Variants in ATL2 observed in about 807,000 individuals in gnomAD.
ATL2 encodes atlastin-2.
Under a neutral mutation model 73.9 loss-of-function variants are expected in ATL2, and 31 were observed. The ratio of observed to expected loss-of-function variants is 0.42; its 90% CI spans 0.32 to 0.57. ATL2 has a LOEUF of 0.57. Ranked by LOEUF, ATL2 falls within the 20% of genes least tolerant of loss-of-function variation. The probability of loss-of-function intolerance (pLI) is 0.14; values close to 1 mark genes in which losing one functional copy is unlikely to be tolerated. For synonymous variants in ATL2, 291 were observed against 237.5 expected (o/e 1.23, Z -2.07); for missense variants, 738 against 702.6 (o/e 1.05, Z -0.57).
chr2:38,295,925 T>G lies in ATL2; in HGVS notation c.*69A>C. The G allele has an allele frequency of 7.5e-7, 1 of 1,329,908 alleles. No individual in the cohort carries two copies. The highest frequency in any genetic ancestry group is 1.0e-6 in the Non-Finnish European group (1 of 969,826). The allele number at this position is 1,329,908 out of a possible 1,614,324, so 82.4% of individuals were successfully genotyped here. A position where few individuals can be genotyped will look rare whatever the true frequency, so the allele number is the denominator to read the frequency against. On this transcript the variant is annotated 3_prime_UTR_variant, in exon 13 of 13. Coordinates refer to ENST00000378954, the MANE Select transcript of ATL2 (RefSeq NM_001135673.4). ...GTTGATTGTAAACTTTGGTTTATTT[T>G]TATTTGAGTTCTCATTGTACAGCAA...
intron 12 of ATL2, among the ~76,000 whole-genome samples, chr2:38,297,594 T>G (rs1666964426): frequency 6.6e-6 from 1 of 152,172 alleles, no homozygotes; most frequent in Admixed American, 6.5e-5. Context: ...GCGCTTTGCT[T>G]TACTAATTAA....
intron 12 of ATL2, among the ~76,000 whole-genome samples, chr2:38,297,101 C>T (rs1223930094): frequency 1.3e-5 from 2 of 152,162 alleles, no homozygotes; most frequent in South Asian, 2.1e-4. Flanking sequence ...ACTTCCCAAT[C>T]GGATCTGAAT....
chr2:38,340,869 A>C (rs1233024344), intron 2 of ATL2, among the ~76,000 whole-genome samples: 5 of 152,244 alleles, frequency 3.3e-5, no homozygotes, highest in Non-Finnish European at 7.3e-5. Context: ...AAGCCAATAA[A>C]GACATTTCAG....
rs546427819 is a variant in ATL2, at chr2:38,346,044, T to C, written c.119-2532A>G. 5.9e-4 allele frequency among the ~76,000 whole-genome samples: 90 copies of C among 152,350 alleles called. 1 individual carries two copies. Among genetic ancestry groups the C allele is most frequent in the African/African-American group, 2.0e-3 (83 of 41,572 alleles). ...AAATGCCAAAATGCTATGGTGATTT[T>C]CACTTGACCAGTGTAGCTGCGTACT... On this transcript the variant is annotated intron_variant, in intron 1 of 12. Coordinates refer to ENST00000378954, the MANE Select transcript of ATL2 (RefSeq NM_001135673.4).
chr2:38,300,218 T>A (rs1667110999), intron 10 of ATL2, 54 bp downstream of exon 10: 6 of 1,401,342 alleles, frequency 4.3e-6, no homozygotes, highest in Non-Finnish European at 5.9e-6. Flanking sequence ...AAGATTTTTA[T>A]TCTCCCTCAT....
intron 1 of ATL2, among the ~76,000 whole-genome samples, chr2:38,368,608 A>G (rs1479609047): frequency 2.0e-5 from 3 of 152,238 alleles, no homozygotes; most frequent in African/African-American, 7.2e-5. Flanking sequence ...ACTACCACTA[A>G]TAAGTTCAAA....
chr2:38,297,457 C>T (rs1420541433), intron 12 of ATL2, among the ~76,000 whole-genome samples: 5 of 152,174 alleles, frequency 3.3e-5, no homozygotes, highest in Non-Finnish European at 2.9e-5. Context: ...GTAATTCCAG[C>T]ACACCGGAGG....
At chr2:38,318,408 G>A (rs1486862477) in intron 4 of ATL2, 127 bp downstream of exon 4, 1 of 576,886 alleles carries the variant, frequency 1.7e-6, no homozygotes, top group East Asian at 3.2e-5. Context: ...AGAGGTTGCA[G>A]TGAGCCGAGA....
In ATL2 at chr2:38,316,750, C is replaced by G. The variant is rs537103645; in HGVS notation, c.604-1416G>C. Among the ~76,000 whole-genome samples the G allele has an allele frequency of 1.7e-4, 26 of 152,180 alleles. No individual in the cohort carries two copies. The South Asian group carries it at 5.4e-3, about 32-fold the overall frequency. ...TACAGACAACAAAGTGGCTGCACAG[C>G]TTTAAGTGGCTGTCTAAAACCAGGT... On this transcript the variant is annotated intron_variant, in intron 4 of 12. Coordinates refer to ENST00000378954, the MANE Select transcript of ATL2 (RefSeq NM_001135673.4).
chr2:38,310,457 G>A lies in ATL2; in HGVS notation c.805-10C>T. 1 of 1,580,870 alleles carries A rather than the reference G, an allele frequency of 6.3e-7. No homozygotes were observed. Among genetic ancestry groups the A allele is most frequent in the Non-Finnish European group, 8.6e-7 (1 of 1,167,204 alleles). ...GTTGATTTTGTTTTACCTGAGGGCGGAGAGAGACAGGTGAAATTGTAAACA... is the reference window on the plus strand; with the variant it reads ...GTTGATTTTGTTTTACCTGAGGGCGAAGAGAGACAGGTGAAATTGTAAACA... On this transcript the variant is annotated splice_polypyrimidine_tract_variant and intron_variant, in intron 7 of 12. Transcript: ENST00000378954.
rs114705577 is a variant in ATL2, at chr2:38,376,140, T to A, written c.118+1003A>T. 296 of 1,532,288 alleles carry A rather than the reference T, an allele frequency of 1.9e-4. No individual in the cohort carries two copies. In the African/African-American group the frequency reaches 3.6e-3, roughly 18 times the overall value. 94.9% of individuals were successfully genotyped at this position (1,532,288 alleles called of 1,614,324 possible). A position where few individuals can be genotyped will look rare whatever the true frequency, so the allele number is the denominator to read the frequency against. ...CCAAATCGTAGGCTTTTACTATTTA[T>A]AAGCCTTTGAAAAAACTTTATGCCT... On this transcript the variant is annotated intron_variant, in intron 1 of 12. Transcript: ENST00000378954.
chr2:38,325,695 C>CCCACACACACA (rs1668593040), intron 2 of ATL2, among the ~76,000 whole-genome samples: 1 of 9,244 alleles, frequency 1.1e-4, no homozygotes, highest in Non-Finnish European at 1.9e-4. Context: ...CACACACACA[C>CCCACACACACA]CAGTACACAC....
At chr2:38,303,576 A>C (rs1249264210) in intron 9 of ATL2, among the ~76,000 whole-genome samples, 2 of 152,182 alleles carry the variant, frequency 1.3e-5, no homozygotes, top group Non-Finnish European at 2.9e-5. Flanking sequence ...CTGAGACAAA[A>C]GAAAAAAGAA....
chr2:38,367,620 C>CAAAAA (rs1671415479), intron 1 of ATL2, among the ~76,000 whole-genome samples: 1 of 113,480 alleles, frequency 8.8e-6, no homozygotes, highest in Non-Finnish European at 1.7e-5. Context: ...AAAAAAACCG[C>CAAAAA]CCATTTAAAA....
intron 1 of ATL2, among the ~76,000 whole-genome samples, chr2:38,364,122 C>T (rs1671167774): frequency 1.3e-5 from 2 of 152,130 alleles, no homozygotes; most frequent in Middle Eastern, 6.8e-3. Context: ...ATTACCCGGG[C>T]GTGGTGGCGG....
chr2:38,369,817 A>T (rs1216403259), intron 1 of ATL2, among the ~76,000 whole-genome samples: 3 of 152,026 alleles, frequency 2.0e-5, no homozygotes, highest in Admixed American at 1.3e-4. Context: ...TTCTAAGAAC[A>T]GGGGTGTTTT....
chr2:38,355,719 T>TA (rs1670621665), intron 1 of ATL2, among the ~76,000 whole-genome samples: 14 of 139,728 alleles, frequency 1.0e-4, no homozygotes, highest in African/African-American at 3.3e-4. Flanking sequence ...TTTTTTTTTT[T>TA]CTTTGAGTCT....
intron 1 of ATL2, among the ~76,000 whole-genome samples, chr2:38,357,257 G>A (rs1294729016): frequency 1.3e-5 from 2 of 152,078 alleles, no homozygotes; most frequent in Non-Finnish European, 2.9e-5. Context: ...GAACCCAGGA[G>A]GCAGAGGTTG....
At chr2:38,337,774 T>G (rs1365586353) in intron 2 of ATL2, among the ~76,000 whole-genome samples, 1 of 152,006 alleles carries the variant, frequency 6.6e-6, no homozygotes, top group Non-Finnish European at 1.5e-5. Flanking sequence ...ATTATATTAT[T>G]GCCTACTTTT....
Sources: gnomAD v4.1 joint callset for allele counts (sites outside exome capture counted in the v4.1 genomes callset) on GRCh38, gnomAD v4.1.1 for gene constraint, MANE v1.5 for transcripts, NCBI Gene and HGNC (gene_info 2026-07-23, HGNC 2026-07-21) for gene names.